Variants in ZNF227 observed in about 807,000 individuals in gnomAD.
ZNF227 encodes the protein zinc finger protein 227.
ZNF227 carries 12 observed loss-of-function variants against 13.2 expected under a neutral mutation model. The ratio of observed to expected loss-of-function variants is 0.91; its 90% CI spans 0.58 to 1.47. The LOEUF (loss-of-function observed/expected upper bound fraction) is 1.47. ZNF227 is among the 40% of genes most tolerant of loss of function. ZNF227 has a pLI of 0.00. For missense variants in ZNF227, 885 were observed against 967.5 expected (o/e 0.91, Z 1.13); for synonymous variants, 338 against 326.0 (o/e 1.04, Z -0.40).
Position 44,213,202 on chromosome 19 carries a change from G to C in ZNF227, c.-45G>C, listed in dbSNP as rs1229133287. 6.6e-6 allele frequency: 1 copy of C among 152,164 alleles called. No homozygotes were observed. Among genetic ancestry groups the C allele is most frequent in the Non-Finnish European group, 1.5e-5 (1 of 68,040 alleles). The allele number at this position is 152,164 out of a possible 1,614,324, so 9.4% of individuals were successfully genotyped here. On this transcript the variant is annotated 5_prime_UTR_variant, in exon 2 of 6. Transcript: ENST00000313040. ...TTCACCGCCTCCGAATTTGCAAAGAGGAGGAAGGAGGGACTTCTTGGCTTC... is the reference window on the plus strand; with the variant it reads ...TTCACCGCCTCCGAATTTGCAAAGACGAGGAAGGAGGGACTTCTTGGCTTC...
At chr19:44,212,197 T>C (rs1443151773), upstream of ZNF227, among the ~76,000 whole-genome samples, 1 of 151,944 alleles carries the variant, frequency 6.6e-6, no homozygotes, top group East Asian at 1.9e-4. Context: ...CTTCACATAT[T>C]TGCTGTTACT....
In ZNF227 at chr19:44,217,768, ATGGCGTCTT is replaced by A. The variant is rs754496175; in HGVS notation, c.-2-19_-2-11del. On this transcript the variant is annotated splice_polypyrimidine_tract_variant and intron_variant, in intron 2 of 5. Transcript: ENST00000313040. ...TGGGCTAACAGCAGGCTTGTGTCTC[ATGGCGTCTT>A]TGGTCTCCCCCAGTTATGCCATCTC... is the stretch of plus-strand genomic sequence containing the variant. The A allele has an allele frequency of 6.2e-7, 1 of 1,614,016 alleles. No homozygotes were observed. The highest frequency in any genetic ancestry group is 1.1e-5 in the South Asian group (1 of 91,076).
chr19:44,235,679 T>G lies in ZNF227; in HGVS notation c.1249T>G (p.Phe417Val). 1 of 1,614,114 alleles carries G rather than the reference T, an allele frequency of 6.2e-7. No homozygotes were observed. Among genetic ancestry groups the G allele is most frequent in the Non-Finnish European group, 8.5e-7 (1 of 1,180,016 alleles). ...TAAATGTGAGGAATGTGGTAAGGGC[T>G]TCACTCAGGCTGCACATTTTCACAT... is the stretch of plus-strand genomic sequence containing the variant. Reference protein sequence around the residue: ...PYKCEECGKGFTQAAHFHIHQ... With the variant: ...PYKCEECGKGVTQAAHFHIHQ... The change falls in exon 6 of 6, where the codon TTC (phenylalanine) becomes GTC (valine). Residue 417 changes from phenylalanine to valine, a missense_variant. Physicochemically the swap from Phe to Val is conservative, Grantham distance 50 (BLOSUM62 -1). Coordinates refer to ENST00000313040, the MANE Select transcript of ZNF227 (RefSeq NM_182490.3).
At chr19:44,209,731 C>T (rs1046143399), upstream of ZNF227, among the ~76,000 whole-genome samples, 17 of 152,146 alleles carry the variant, frequency 1.1e-4, no homozygotes, top group African/African-American at 4.1e-4. Flanking sequence ...GGACTACAGG[C>T]GCCCATCACC....
At chr19:44,212,901 G>T (rs1479219665) in intron 1 of ZNF227, 189 bp from the exon 2 acceptor site, 1 of 152,194 alleles carries the variant, frequency 6.6e-6, no homozygotes. Context: ...CCTTAGAACA[G>T]TGGTGGCACC....
intron 5 of ZNF227, among the ~76,000 whole-genome samples, chr19:44,230,510 G>A (rs1240218710): frequency 6.6e-6 from 1 of 152,016 alleles, no homozygotes; most frequent in African/African-American, 2.4e-5. Flanking sequence ...CGCCGTTGGA[G>A]TATTTGTTAA....
chr19:44,216,274 T>C (rs1298794113), intron 2 of ZNF227, among the ~76,000 whole-genome samples: 5 of 152,032 alleles, frequency 3.3e-5, no homozygotes, highest in East Asian at 1.9e-4. Flanking sequence ...TAGTTGAACA[T>C]AGAATTCAGG....
At chr19:44,214,400 T>TG (rs1459509841) in intron 2 of ZNF227, among the ~76,000 whole-genome samples, 18 of 151,786 alleles carry the variant, frequency 1.2e-4, no homozygotes, top group Admixed American at 1.1e-3. Context: ...TTTTGTGAGA[T>TG]GGAGATTCAC....
At chr19:44,232,133 G>T (rs1420827154) in intron 5 of ZNF227, among the ~76,000 whole-genome samples, 1 of 152,212 alleles carries the variant, frequency 6.6e-6, no homozygotes, top group Non-Finnish European at 1.5e-5. Context: ...TGGAGTTGAG[G>T]TGAGTCCTGA....
upstream of ZNF227, among the ~76,000 whole-genome samples, chr19:44,211,460 CAT>C (rs1971363061): frequency 6.6e-6 from 1 of 152,138 alleles, no homozygotes. Context: ...TTCTTGGAAA[CAT>C]CAATTCCATT....
chr19:44,231,391 A>C (rs1240647072), intron 5 of ZNF227, among the ~76,000 whole-genome samples: 1 of 151,924 alleles, frequency 6.6e-6, no homozygotes, highest in Non-Finnish European at 1.5e-5. Context: ...GCTGGAGTGC[A>C]GTGGCATGAT....
At chr19:44,232,896 C>A (rs1457434126) in intron 5 of ZNF227, among the ~76,000 whole-genome samples, 3 of 152,066 alleles carry the variant, frequency 2.0e-5, no homozygotes, top group Non-Finnish European at 4.4e-5. Flanking sequence ...GTCTCGAACT[C>A]CTGACCTCAA....
At chr19:44,215,128 T>C (rs1412839684) in intron 2 of ZNF227, among the ~76,000 whole-genome samples, 2 of 151,308 alleles carry the variant, frequency 1.3e-5, no homozygotes, top group East Asian at 3.9e-4. Flanking sequence ...CCAAAAAGGC[T>C]GCAGATGGTT....
At chr19:44,227,555 T>G (rs1326219278) in intron 3 of ZNF227, among the ~76,000 whole-genome samples, 3 of 151,690 alleles carry the variant, frequency 2.0e-5, no homozygotes, top group African/African-American at 7.3e-5. Context: ...GCCTGAAAAT[T>G]TATTTTTAAA....
At chr19:44,208,794 G>C (rs1002453449), upstream of ZNF227, among the ~76,000 whole-genome samples, 1 of 152,186 alleles carries the variant, frequency 6.6e-6, no homozygotes. Flanking sequence ...GGTTTGGAAG[G>C]TGATCTGGGG....
intron 3 of ZNF227, 40 bp from the exon 4 acceptor site, chr19:44,228,406 T>C (rs758769666): frequency 4.4e-6 from 7 of 1,588,924 alleles, no homozygotes; most frequent in East Asian, 2.3e-5. Flanking sequence ...CTAGTGAAGG[T>C]TGGTTGTAAG....
Position 44,235,253 on chromosome 19 carries a change from G to GA in ZNF227, c.828dup (p.Cys277MetfsTer22). On this transcript the variant is annotated frameshift_variant, in exon 6 of 6. Transcript: ENST00000313040. LOFTEE classifies it low-confidence loss of function (END_TRUNC). ...CCTTCATCCGAATGTTCATACAGGAGAAAAATGCTTCAGTCAAAGCTCACA... is the reference window on the plus strand; with the variant it reads ...CCTTCATCCGAATGTTCATACAGGAGAAAAAATGCTTCAGTCAAAGCTCACA... The GA allele has an allele frequency of 6.2e-7, 1 of 1,614,038 alleles. No individual in the cohort carries two copies. The highest frequency in any genetic ancestry group is 8.5e-7 in the Non-Finnish European group (1 of 1,179,992).
intron 3 of ZNF227, among the ~76,000 whole-genome samples, chr19:44,224,299 G>A (rs965463839): frequency 6.6e-6 from 1 of 152,152 alleles, no homozygotes; most frequent in Non-Finnish European, 1.5e-5. Context: ...TTGGTGCAGA[G>A]CTGAGTTCAA....
At chr19:44,212,997 A>T (rs747479618) in intron 1 of ZNF227, 93 bp from the exon 2 acceptor site, 1 of 152,124 alleles carries the variant, frequency 6.6e-6, no homozygotes, top group Non-Finnish European at 1.5e-5. Flanking sequence ...GAGAGAAGAA[A>T]AGTCAGGGCT....
Sources: allele counts gnomAD v4.1 joint callset (sites outside exome capture counted in the v4.1 genomes callset), GRCh38; gene constraint gnomAD v4.1.1; transcripts MANE v1.5; gene names NCBI Gene and HGNC (gene_info 2026-07-23, HGNC 2026-07-21).